SIN3A: variants seen among roughly 807,000 people sequenced by gnomAD.
The protein encoded by SIN3A is paired amphipathic helix protein Sin3a.
SIN3A carries 14 observed loss-of-function variants against 146.1 expected under a neutral mutation model. The observed-to-expected ratio is 0.10, with a 90% CI of 0.06 to 0.15. The LOEUF (loss-of-function observed/expected upper bound fraction) is 0.15, where lower values mean the gene tolerates loss of function less well. Among genes scored for constraint, SIN3A ranks in the 10% least tolerant of loss-of-function variants. The pLI is 1.00. For synonymous variants in SIN3A, 572 were observed against 572.0 expected (o/e 1.00, Z 0.00); for missense variants, 1,028 against 1,576.0 (o/e 0.65, Z 5.89).
At chr15:75,450,152 G>A (rs180695296) in intron 1 of SIN3A, among the ~76,000 whole-genome samples, 30 of 151,884 alleles carry the variant, frequency 2.0e-4, no homozygotes, top group Admixed American at 1.3e-3. Flanking sequence ...CAGAGATATC[G>A]GAGTATTTTA....
intron 16 of SIN3A, among the ~76,000 whole-genome samples, 155 bp from the exon 17 acceptor site, chr15:75,384,592 C>G (rs565315646): frequency 6.6e-6 from 1 of 152,114 alleles, no homozygotes; most frequent in South Asian, 2.1e-4. Flanking sequence ...ATTAATCACA[C>G]AAACCACTGT....
At chr15:75,441,290 C>T (rs1167129951) in intron 1 of SIN3A, among the ~76,000 whole-genome samples, 1 of 151,980 alleles carries the variant, frequency 6.6e-6, no homozygotes, top group African/African-American at 2.4e-5. Flanking sequence ...GGCAACAGAG[C>T]CAGACTCCGT....
intron 8 of SIN3A, among the ~76,000 whole-genome samples, chr15:75,409,134 G>A (rs1307385960): frequency 6.6e-6 from 1 of 151,978 alleles, no homozygotes; most frequent in Admixed American, 6.6e-5. Flanking sequence ...AACCCGGGAG[G>A]CAGAGGTTGT....
intron 3 of SIN3A, chr15:75,420,979 A>G (rs144254514): frequency 3.9e-5 from 6 of 152,346 alleles, no homozygotes; most frequent in Non-Finnish European, 8.8e-5. Context: ...GCCAGTTTCC[A>G]TAAAGCAAAC....
intron 1 of SIN3A, among the ~76,000 whole-genome samples, chr15:75,450,158 T>C (rs1172953583): frequency 6.6e-6 from 1 of 152,030 alleles, no homozygotes; most frequent in Non-Finnish European, 1.5e-5. Context: ...TATCGGAGTA[T>C]TTTATTCAAA....
intron 1 of SIN3A, among the ~76,000 whole-genome samples, chr15:75,441,531 C>T (rs1256178268): frequency 6.6e-6 from 1 of 152,040 alleles, no homozygotes. Context: ...TGGCCACAAG[C>T]GATCCTCCTG....
At chr15:75,434,622 C>T (rs2074071062) in intron 1 of SIN3A, among the ~76,000 whole-genome samples, 1 of 150,472 alleles carries the variant, frequency 6.6e-6, no homozygotes, top group African/African-American at 2.5e-5. Context: ...TGCACTCCAG[C>T]CTGGGCAATA....
At chr15:75,390,203 C>A (rs1181483605) in intron 15 of SIN3A, among the ~76,000 whole-genome samples, 2 of 152,184 alleles carry the variant, frequency 1.3e-5, no homozygotes, top group Non-Finnish European at 2.9e-5. Flanking sequence ...GCATTCCTCA[C>A]ATGGGTCACT....
chr15:75,448,105 A>G (rs1707799285), intron 1 of SIN3A: 1 of 151,848 alleles, frequency 6.6e-6, no homozygotes, highest in Non-Finnish European at 1.5e-5. Context: ...TTAAGTCCAG[A>G]AGATCAACAC....
At chr15:75,394,403 G>A (rs969185421) in intron 14 of SIN3A, among the ~76,000 whole-genome samples, 3 of 152,196 alleles carry the variant, frequency 2.0e-5, no homozygotes, top group Non-Finnish European at 4.4e-5. Flanking sequence ...TTGTTTGAAG[G>A]AAACAGGTAG....
At position 75,372,213 on chromosome 15, in the gene SIN3A, C is replaced by T; in HGVS notation, c.3592-4G>A. ...GCTTGCTTACACGCTCATGGGACTGCAAAACAGAAAAAAAAAATTTTATTA... is the reference window on the plus strand; with the variant it reads ...GCTTGCTTACACGCTCATGGGACTGTAAAACAGAAAAAAAAAATTTTATTA... On this transcript the variant is annotated splice_region_variant and splice_polypyrimidine_tract_variant and intron_variant, in intron 20 of 20. Transcript: ENST00000394947. The T allele has an allele frequency of 6.5e-7, 1 of 1,540,830 alleles. No individual in the cohort carries two copies. The highest frequency in any genetic ancestry group is 8.7e-7 in the Non-Finnish European group (1 of 1,145,112).
chr15:75,388,046 T>C (rs965789140), intron 16 of SIN3A, among the ~76,000 whole-genome samples: 1 of 149,448 alleles, frequency 6.7e-6, no homozygotes, highest in African/African-American at 2.5e-5. Context: ...TACAGAGGCA[T>C]GCACCCTTCC....
rs551466135 is a variant in SIN3A at position 75,443,175 on chromosome 15, G to C, written c.-34+8248C>G. On this transcript the variant is annotated intron_variant, in intron 1 of 20. Transcript: ENST00000394947. ...ACTTTACCGTCATCCTAACAGTCTAGAGTACTACTGTCACACAGCATTCAT... is the reference window on the plus strand; with the variant it reads ...ACTTTACCGTCATCCTAACAGTCTACAGTACTACTGTCACACAGCATTCAT... Among the ~76,000 whole-genome samples the C allele has an allele frequency of 2.1e-3, 324 of 152,170 alleles. 2 individuals carry two copies. The highest frequency in any genetic ancestry group is 7.3e-3 in the African/African-American group (301 of 41,514).
chr15:75,403,954 C>A lies in SIN3A; in HGVS notation c.1408-1984G>T, dbSNP rs534527165. ...AGATAGTTCTGTCCTCTGATCTGGT[C>A]TTTTTTCTTCCTCTATTTACAATAT... On this transcript the variant is annotated intron_variant, in intron 9 of 20. Coordinates refer to ENST00000394947, the MANE Select transcript of SIN3A (RefSeq NM_001145358.2). 1.5e-3 allele frequency among the ~76,000 whole-genome samples: 233 copies of A among 152,288 alleles called. 1 individual carries two copies. Among genetic ancestry groups the A allele is most frequent in the Non-Finnish European group, 2.3e-3 (156 of 68,022 alleles).
At chr15:75,436,167 A>G (rs1489757643) in intron 1 of SIN3A, among the ~76,000 whole-genome samples, 1 of 151,576 alleles carries the variant, frequency 6.6e-6, no homozygotes, top group Non-Finnish European at 1.5e-5. Flanking sequence ...AAAGAAAAAG[A>G]CAAAGAAAAA....
intron 13 of SIN3A, among the ~76,000 whole-genome samples, chr15:75,395,322 C>G (rs1731818547): frequency 6.6e-6 from 1 of 151,976 alleles, no homozygotes; most frequent in Non-Finnish European, 1.5e-5. Flanking sequence ...AGAGAACAGA[C>G]TAAGACAAAA....
intron 3 of SIN3A, among the ~76,000 whole-genome samples, chr15:75,418,847 C>T (rs1188262679): frequency 6.6e-6 from 1 of 151,768 alleles, no homozygotes; most frequent in Non-Finnish European, 1.5e-5. Flanking sequence ...CTCTGCCTCC[C>T]GGGTTCACGC....
chr15:75,386,493 T>C (rs2073083247), intron 16 of SIN3A, among the ~76,000 whole-genome samples: 1 of 152,304 alleles, frequency 6.6e-6, no homozygotes, highest in East Asian at 1.9e-4. Flanking sequence ...TCTATCTTGC[T>C]AATTGGAGAT....
chr15:75,375,534 T>A, intron 20 of SIN3A, 131 bp downstream of exon 20: 1 of 699,498 alleles, frequency 1.4e-6, no homozygotes, highest in Non-Finnish European at 2.5e-6. Flanking sequence ...ACATACGTAC[T>A]TCCTCAGTTA....
Sources: gnomAD v4.1 joint callset for allele counts (sites outside exome capture counted in the v4.1 genomes callset) on GRCh38, gnomAD v4.1.1 for gene constraint, MANE v1.5 for transcripts, NCBI Gene and HGNC (gene_info 2026-07-23, HGNC 2026-07-21) for gene names.